CYGB: variants seen among roughly 807,000 people sequenced by gnomAD.
CYGB encodes histoglobin.
In CYGB, 13 loss-of-function variants were observed where a neutral mutation model predicts 20.7. The ratio of observed to expected loss-of-function variants is 0.63; its 90% confidence interval spans 0.41 to 1.00. CYGB has a LOEUF of 1.00. Ranked by LOEUF, CYGB falls within the 50% of genes least tolerant of loss-of-function variation. The probability of loss-of-function intolerance (pLI) is 0.00; values close to 1 mark genes in which losing one functional copy is unlikely to be tolerated. For synonymous variants in CYGB, 93 were observed against 107.4 expected (o/e 0.87, Z 0.83); for missense variants, 218 against 257.2 (o/e 0.85, Z 1.04).
At chr17:76,541,733 G>A (rs540390391), upstream of CYGB, among the ~76,000 whole-genome samples, 8 of 152,282 alleles carry the variant, frequency 5.3e-5, no homozygotes, top group African/African-American at 1.7e-4. Flanking sequence ...CCCCCGATAG[G>A]AGGCCCTCAA....
At chr17:76,550,272 T>A (rs1413570693) in intron 1 of CYGB, 1 of 149,596 alleles carries the variant, frequency 6.7e-6, no homozygotes, top group Non-Finnish European at 1.5e-5. Flanking sequence ...GTTCTTTTTT[T>A]TTTTTTGAGA....
At chr17:76,548,614 G>T (rs1042306287) in intron 1 of CYGB, among the ~76,000 whole-genome samples, 1 of 152,212 alleles carries the variant, frequency 6.6e-6, no homozygotes, top group Non-Finnish European at 1.5e-5. Flanking sequence ...AGGTGGGCTG[G>T]AGTGAGGACG....
Position 76,528,425 on chromosome 17 carries a change from G to T in CYGB, c.*153C>A, listed in dbSNP as rs1463849911. The stretch of plus-strand genomic sequence containing the variant: ...GCCGCCTCCCAGCAGCTCCAGGGGG[G>T]GACCCTGGCCGCCACAGAGGCCTCC... On this transcript the variant is annotated 3_prime_UTR_variant, in exon 4 of 4. Coordinates refer to ENST00000293230, the MANE Select transcript of CYGB (RefSeq NM_134268.5). This position sits in a 1 kb window ranked among gnomAD's most constrained non-coding sequence, Gnocchi z 5.8. 3.0e-6 allele frequency: 2 copies of T among 675,004 alleles called. No individual in the cohort carries two copies. Among genetic ancestry groups the T allele is most frequent in the Non-Finnish European group, 4.3e-6 (2 of 470,244 alleles). 41.8% of individuals were successfully genotyped at this position (675,004 alleles called of 1,614,324 possible).
At chr17:76,548,776 A>G (rs990386198) in intron 1 of CYGB, among the ~76,000 whole-genome samples, 3 of 152,240 alleles carry the variant, frequency 2.0e-5, no homozygotes, top group African/African-American at 7.2e-5. Context: ...CTGTGGATCC[A>G]GAAACGGATT....
intron 1 of CYGB, chr17:76,544,709 C>T (rs963150875): frequency 4.4e-6 from 2 of 456,692 alleles, no homozygotes; most frequent in African/African-American, 4.0e-5. Context: ...GGGCACTGTT[C>T]CCGGGACCCA....
chr17:76,540,301 G>A (rs2143143000), upstream of CYGB: 1 of 1,448,422 alleles, frequency 6.9e-7, no homozygotes. This position sits in a 1 kb window ranked among gnomAD's most constrained non-coding sequence, Gnocchi z 5.0. Flanking sequence ...AGGTGGGCAG[G>A]GGCTGCGTGA....
intron 1 of CYGB, 80 bp downstream of exon 1, chr17:76,537,320 G>A: frequency 7.1e-7 from 1 of 1,417,570 alleles, no homozygotes; most frequent in Non-Finnish European, 9.2e-7. Flanking sequence ...CTGGAGCTCG[G>A]ACCCGGGCCC....
chr17:76,530,265 C>G lies in CYGB; in HGVS notation c.539+714G>C, dbSNP rs1268793944. Among the ~76,000 whole-genome samples, 1 of 152,122 alleles carries G rather than the reference C, an allele frequency of 6.6e-6. No individual in the cohort carries two copies. The highest frequency in any genetic ancestry group is 1.5e-5 in the Non-Finnish European group (1 of 68,010). On this transcript the variant is annotated intron_variant, in intron 3 of 3. Coordinates refer to ENST00000293230, the MANE Select transcript of CYGB (RefSeq NM_134268.5). This position sits in a 1 kb window ranked among gnomAD's most constrained non-coding sequence, Gnocchi z 6.1. ...CAGAGTCAGCCTCCCCTTGGGGGCC[C>G]AGGGAGGCCGAGTGTTCCCAACCGC...
chr17:76,527,374 GT>G lies in CYGB; in HGVS notation c.*1203del. ...GCACAGGTACAGCAAGAACGGGTCT[GT>G]TTAATGACACAGCTGGGTCTGGTTA... is the stretch of plus-strand genomic sequence containing the variant. On this transcript the variant is annotated 3_prime_UTR_variant, in exon 4 of 4. Coordinates refer to ENST00000293230, the MANE Select transcript of CYGB (RefSeq NM_134268.5). The G allele has an allele frequency of 2.8e-6, 1 of 356,666 alleles. No homozygotes were observed. The highest frequency in any genetic ancestry group is 2.1e-5 in the South Asian group (1 of 47,678). The allele number at this position is 356,666 out of a possible 1,614,324, so 22.1% of individuals were successfully genotyped here. A position where few individuals can be genotyped will look rare whatever the true frequency, so the allele number is the denominator to read the frequency against.
intron 3 of CYGB, chr17:76,529,700 C>T: frequency 1.0e-6 from 1 of 985,390 alleles, no homozygotes; most frequent in African/African-American, 1.7e-5. Context: ...TTTCCCTGGA[C>T]CCTCTGGGTG....
At chr17:76,536,282 C>T (rs1480027860) in intron 1 of CYGB, among the ~76,000 whole-genome samples, 2 of 152,112 alleles carry the variant, frequency 1.3e-5, no homozygotes, top group East Asian at 3.8e-4. Flanking sequence ...TGGGTCGGTC[C>T]CAGGCTTGGG....
intron 1 of CYGB, 25 bp downstream of exon 1, chr17:76,537,375 C>G: frequency 6.4e-7 from 1 of 1,572,110 alleles, no homozygotes; most frequent in Non-Finnish European, 8.6e-7. Context: ...CTGCCCAGGG[C>G]CCGGCCGGGC....
intron 1 of CYGB, chr17:76,550,217 A>G (rs1332514190): frequency 6.6e-6 from 1 of 150,610 alleles, no homozygotes; most frequent in Non-Finnish European, 1.5e-5. Flanking sequence ...CGGCCTCCCA[A>G]AGTGGTGGGA....
intron 1 of CYGB, among the ~76,000 whole-genome samples, chr17:76,547,894 CAG>C (rs1267879164): frequency 6.8e-6 from 1 of 147,526 alleles, no homozygotes. Flanking sequence ...CACATACACA[CAG>C]ACACACATAA....
chr17:76,537,527 C>T lies in CYGB; in HGVS notation c.16G>A (p.Gly6Ser), dbSNP rs1598208353. 3 of 1,563,658 alleles carry T rather than the reference C, an allele frequency of 1.9e-6. No individual in the cohort carries two copies. The highest frequency in any genetic ancestry group is 1.8e-5 in the Admixed American group (1 of 55,330). ...TCCCTGCGCTCGATCTCCATCTCGC[C>T]TGGCACTTTCTCCATGAGCAGCTCC... is the stretch of plus-strand genomic sequence containing the variant. MEKVPGEMEIERRERS... is the reference protein window; with the variant it reads MEKVPSEMEIERRERS... The change falls in exon 1 of 4, where the codon GGC becomes AGC. Residue 6 changes from glycine to serine, a missense_variant. Around this residue, in one of 2 missense-constraint regions of CYGB, gnomAD observed 152 missense variants for 149.9 expected, o/e 1.01. Coordinates refer to ENST00000293230, the MANE Select transcript of CYGB (RefSeq NM_134268.5).
At chr17:76,539,738 G>A (rs942021475), upstream of CYGB, among the ~76,000 whole-genome samples, 1 of 152,122 alleles carries the variant, frequency 6.6e-6, no homozygotes, top group Non-Finnish European at 1.5e-5. Flanking sequence ...CTCTTTAAAC[G>A]TTGCCCTGAT....
chr17:76,527,595 G>A lies in CYGB; in HGVS notation c.*983C>T, dbSNP rs1406474040. On this transcript the variant is annotated 3_prime_UTR_variant, in exon 4 of 4. Transcript: ENST00000293230. ...AGCCTGACGCAGATGAATAGACAGG[G>A]CCGACTGCCGGCCAGGAGGAGGGTG... The A allele has an allele frequency of 6.6e-6, 3 of 453,050 alleles. No individual in the cohort carries two copies. Among genetic ancestry groups the A allele is most frequent in the East Asian group, 7.0e-5 (1 of 14,332 alleles). 28.1% of individuals were successfully genotyped at this position (453,050 alleles called of 1,614,324 possible).
intron 3 of CYGB, chr17:76,529,781 A>G: frequency 1.0e-6 from 1 of 985,272 alleles, no homozygotes; most frequent in African/African-American, 1.7e-5. Flanking sequence ...TGGTGGGCCA[A>G]CATCTGCTTG....
upstream of CYGB, among the ~76,000 whole-genome samples, chr17:76,541,615 C>T (rs913694173): frequency 4.6e-5 from 7 of 152,146 alleles, no homozygotes; most frequent in East Asian, 1.9e-4. Context: ...GTACAGGAAG[C>T]GGAGGCATTT....
Sources: gnomAD v4.1 joint callset for allele counts (sites outside exome capture counted in the v4.1 genomes callset) on GRCh38, gnomAD v4.1.1 for gene constraint, gnomAD v4.1.1 regional missense constraint, Gnocchi (gnomAD v3.1) non-coding constraint, MANE v1.5 for transcripts, NCBI Gene and HGNC (gene_info 2026-07-23, HGNC 2026-07-21) for gene names.